The following SLC17A1 variants were observed in gnomAD, a reference collection of about 807,000 sequenced individuals.
The protein encoded by SLC17A1 is sodium-dependent phosphate transport protein 1.
In SLC17A1, 51 loss-of-function variants were observed where a neutral mutation model predicts 53.5. That is an observed-to-expected ratio of 0.95 (90% CI 0.76 to 1.20). The LOEUF (loss-of-function observed/expected upper bound fraction) is 1.20. Among genes scored for constraint, SLC17A1 ranks in the 50% most tolerant of loss-of-function variants. The probability of loss-of-function intolerance (pLI) is 0.00; values close to 1 mark genes in which losing one functional copy is unlikely to be tolerated. For synonymous variants in SLC17A1, 179 were observed against 198.8 expected (o/e 0.90, Z 0.84); for missense variants, 538 against 568.2 (o/e 0.95, Z 0.54).
chr6:25,826,635 T>C lies in SLC17A1; in HGVS notation c.35-2A>G. The stretch of plus-strand genomic sequence containing the variant: ...AGCGAAAGGAACAGAAACCTGGAAC[T>C]ACAAAGTAAAACAGAAAGTCGCAAT... On this transcript the variant is annotated splice_acceptor_variant, in intron 2 of 12. Coordinates refer to ENST00000244527, the MANE Select transcript of SLC17A1 (RefSeq NM_005074.5). LOFTEE classifies it high-confidence loss of function. The C allele has an allele frequency of 6.4e-7, 1 of 1,556,358 alleles. No homozygotes were observed. Among genetic ancestry groups the C allele is most frequent in the Non-Finnish European group, 8.7e-7 (1 of 1,147,984 alleles).
intron 10 of SLC17A1, among the ~76,000 whole-genome samples, chr6:25,803,884 C>A (rs572303341): frequency 1.4e-4 from 21 of 152,080 alleles, no homozygotes; most frequent in Admixed American, 4.6e-4. Flanking sequence ...AGTAAACGTT[C>A]TCTTATTAAT....
intron 11 of SLC17A1, among the ~76,000 whole-genome samples, chr6:25,799,639 T>A (rs907727442): frequency 6.6e-6 from 1 of 152,196 alleles, no homozygotes; most frequent in Non-Finnish European, 1.5e-5. Flanking sequence ...TCTCTCCTTT[T>A]AAAGCTGAGG....
chr6:25,800,170 C>T (rs1763712341), intron 11 of SLC17A1, among the ~76,000 whole-genome samples: 1 of 151,896 alleles, frequency 6.6e-6, no homozygotes, highest in South Asian at 2.1e-4. Context: ...AGATTTATGC[C>T]AGCATTTCCA....
chr6:25,780,393 G>A (rs1048598317), downstream of SLC17A1: 6 of 152,202 alleles, frequency 3.9e-5, no homozygotes, highest in African/African-American at 1.4e-4. Flanking sequence ...TAATCTGAGT[G>A]TAAGGAAGGG....
chr6:25,808,892 T>G (rs985395163), intron 10 of SLC17A1, among the ~76,000 whole-genome samples: 3 of 152,076 alleles, frequency 2.0e-5, no homozygotes, highest in Non-Finnish European at 4.4e-5. Flanking sequence ...CCTGCAATTC[T>G]GTTACTGGGT....
chr6:25,784,569 C>G (rs1450744485), intron 12 of SLC17A1, among the ~76,000 whole-genome samples: 1 of 152,122 alleles, frequency 6.6e-6, no homozygotes, highest in African/African-American at 2.4e-5. Context: ...AAGGACAGCA[C>G]CAAGCTGTCA....
intron 6 of SLC17A1, among the ~76,000 whole-genome samples, chr6:25,816,829 A>G (rs2151497148): frequency 6.6e-6 from 1 of 151,784 alleles, no homozygotes. Context: ...GGAGACAAAT[A>G]TAGCAGGATG....
At chr6:25,749,632 G>T in the SLC17A1 span, among the ~76,000 whole-genome samples, 2 of 151,948 alleles carry the variant, frequency 1.3e-5, no homozygotes, top group Non-Finnish European at 2.9e-5. Flanking sequence ...AGGCAGTTCA[G>T]ATCTGGTATA....
chr6:25,805,259 C>T (rs1362280626), intron 10 of SLC17A1, among the ~76,000 whole-genome samples: 6 of 151,916 alleles, frequency 3.9e-5, no homozygotes, highest in African/African-American at 1.2e-4. Context: ...ACCATGAAAA[C>T]TATCCAAATA....
chr6:25,728,839 T>C, the SLC17A1 span, among the ~76,000 whole-genome samples: 1 of 152,148 alleles, frequency 6.6e-6, no homozygotes, highest in Non-Finnish European at 1.5e-5. Flanking sequence ...AATATATCAA[T>C]GTATAACAAG....
the SLC17A1 span, among the ~76,000 whole-genome samples, chr6:25,734,967 T>G: frequency 2.6e-5 from 4 of 152,172 alleles, no homozygotes; most frequent in Non-Finnish European, 5.9e-5. Context: ...GGGAAATAAT[T>G]ATTGGAAATC....
the SLC17A1 span, among the ~76,000 whole-genome samples, chr6:25,764,958 T>C: frequency 3.3e-5 from 5 of 152,160 alleles, no homozygotes; most frequent in South Asian, 2.1e-4. Flanking sequence ...TTCCCTTGAA[T>C]TGGTGAAAGA....
At chr6:25,822,066 C>G (rs761828511) in intron 3 of SLC17A1, among the ~76,000 whole-genome samples, 6 of 152,100 alleles carry the variant, frequency 3.9e-5, no homozygotes, top group Non-Finnish European at 5.9e-5. Flanking sequence ...AGTTGGTACA[C>G]TTAAAAAAGA....
Position 25,819,609 on chromosome 6 carries a change from AAAGGTTTGAC to A in SLC17A1, c.442-21_442-12del, listed in dbSNP as rs1208332699. The A allele has an allele frequency of 1.2e-6, 2 of 1,613,482 alleles. No individual in the cohort carries two copies. The highest frequency in any genetic ancestry group is 8.5e-7 in the Non-Finnish European group (1 of 1,179,548). ...TGTTGCAACTATCCCCTGAAATGAGAAAGGTTTGACATTTAATCTCTAATACTTCCTGTGA... is the reference window on the plus strand; with the variant it reads ...TGTTGCAACTATCCCCTGAAATGAGAATTTAATCTCTAATACTTCCTGTGA... On this transcript the variant is annotated splice_polypyrimidine_tract_variant and intron_variant, in intron 4 of 12. Transcript: ENST00000244527.
the SLC17A1 span, chr6:25,770,450 C>G: frequency 6.2e-7 from 1 of 1,614,090 alleles, no homozygotes; most frequent in East Asian, 2.2e-5. Context: ...AAGGAGTCAA[C>G]TCACCACCAT....
intron 2 of SLC17A1, among the ~76,000 whole-genome samples, chr6:25,829,810 C>A (rs3799354): frequency 0.089 from 13,479 of 151,522 alleles, 763 homozygotes; most frequent in Non-Finnish European, 0.12. Flanking sequence ...AGCAAAGGAA[C>A]AAACCCAAAA....
chr6:25,773,409 C>T, the SLC17A1 span: 2 of 1,612,252 alleles, frequency 1.2e-6, no homozygotes, highest in South Asian at 2.2e-5. Context: ...TTGAGGAACT[C>T]CTCTGACATT....
rs150311726 is a variant in SLC17A1 at position 25,800,830 on chromosome 6, G to A, written c.1269+60C>T. On this transcript the variant is annotated intron_variant, in intron 11 of 12. Coordinates refer to ENST00000244527, the MANE Select transcript of SLC17A1 (RefSeq NM_005074.5). ...ATCTTCTCTGCAATTTTTCATATGT[G>A]TAATCTTTCTCTATACAATTAATAT... 1.2e-3 allele frequency: 1,292 copies of A among 1,066,738 alleles called. 8 individuals carry two copies. The African/African-American group carries it at 0.016, about 13-fold the overall frequency. The allele number at this position is 1,066,738 out of a possible 1,614,324, so 66.1% of individuals were successfully genotyped here.
At chr6:25,806,292 C>A (rs1763951573) in intron 10 of SLC17A1, among the ~76,000 whole-genome samples, 1 of 151,968 alleles carries the variant, frequency 6.6e-6, no homozygotes, top group Admixed American at 6.6e-5. Flanking sequence ...ATGATCATTT[C>A]AACAGATACA....
Sources: allele counts gnomAD v4.1 joint callset (sites outside exome capture counted in the v4.1 genomes callset), GRCh38; gene constraint gnomAD v4.1.1; transcripts MANE v1.5; gene names NCBI Gene and HGNC (gene_info 2026-07-23, HGNC 2026-07-21).